The following FRMD6 variants were observed in gnomAD, a reference collection of about 807,000 sequenced individuals.
The protein encoded by FRMD6 is FERM domain-containing protein 6.
FRMD6 carries 37 observed loss-of-function variants against 73.2 expected under a neutral mutation model. The ratio of observed to expected loss-of-function variants is 0.51; its 90% CI spans 0.39 to 0.66. FRMD6 has a LOEUF of 0.66. Among genes scored for constraint, FRMD6 ranks in the 30% least tolerant of loss-of-function variants. The pLI is 0.00. For synonymous variants in FRMD6, 273 were observed against 282.2 expected, an observed-to-expected ratio of 0.97 and a Z score of 0.33; for missense variants, 714 against 780.5, an observed-to-expected ratio of 0.91 and a Z score of 1.02.
At chr14:51,573,065 T>G (rs1888216923) in intron 2 of FRMD6, among the ~76,000 whole-genome samples, 1 of 152,224 alleles carries the variant, frequency 6.6e-6, no homozygotes, top group African/African-American at 2.4e-5. Context: ...AGACATTGGT[T>G]CTTCAGACAC....
intron 1 of FRMD6, among the ~76,000 whole-genome samples, chr14:51,532,095 G>A (rs938847468): frequency 5.9e-5 from 9 of 152,316 alleles, no homozygotes; most frequent in East Asian, 3.9e-4. Context: ...GGGGCCAGGC[G>A]TGGTGGCTCA....
the FRMD6 span, among the ~76,000 whole-genome samples, chr14:51,417,117 C>T: frequency 4.5e-4 from 69 of 152,118 alleles, no homozygotes; most frequent in Admixed American, 4.4e-3. Flanking sequence ...ATTTGCCAGT[C>T]TGTGTCTTTT....
At chr14:51,397,530 AAAC>A in the FRMD6 span, among the ~76,000 whole-genome samples, 1 of 152,218 alleles carries the variant, frequency 6.6e-6, no homozygotes, top group South Asian at 2.1e-4. Context: ...TGGGAGAGAA[AAAC>A]AACTTTTACC....
chr14:51,715,566 G>A, intron 10 of FRMD6, 67 bp downstream of exon 10: 1 of 1,360,040 alleles, frequency 7.4e-7, no homozygotes, highest in Non-Finnish European at 9.9e-7. Flanking sequence ...TACTCTGAAT[G>A]GGGGTTTTGA....
At chr14:51,427,067 G>A in the FRMD6 span, among the ~76,000 whole-genome samples, 2 of 152,270 alleles carry the variant, frequency 1.3e-5, no homozygotes, top group African/African-American at 4.8e-5. Context: ...TATTGAAATG[G>A]TAAAGTTAAA....
intron 1 of FRMD6, among the ~76,000 whole-genome samples, chr14:51,653,469 A>G (rs1435633267): frequency 6.6e-6 from 1 of 152,196 alleles, no homozygotes; most frequent in African/African-American, 2.4e-5. Context: ...ATCTGTCATT[A>G]AAAAGGCTTG....
the FRMD6 span, among the ~76,000 whole-genome samples, chr14:51,418,131 C>G: frequency 6.6e-6 from 1 of 152,082 alleles, no homozygotes; most frequent in Non-Finnish European, 1.5e-5. Context: ...TTGTTATTAC[C>G]AGCCTTCTGA....
chr14:51,426,141 G>A, the FRMD6 span, among the ~76,000 whole-genome samples: 1 of 151,978 alleles, frequency 6.6e-6, no homozygotes, highest in Admixed American at 6.6e-5. Context: ...TCCCCCTGTT[G>A]TCTCTGTCAC....
chr14:51,533,253 C>T (rs1885692509), intron 1 of FRMD6, among the ~76,000 whole-genome samples: 1 of 152,090 alleles, frequency 6.6e-6, no homozygotes, highest in Non-Finnish European at 1.5e-5. Context: ...TGGGGTGGGG[C>T]AGGCTGATGG....
chr14:51,417,194 T>C, the FRMD6 span, among the ~76,000 whole-genome samples: 1 of 152,200 alleles, frequency 6.6e-6, no homozygotes, highest in Admixed American at 6.5e-5. Context: ...ATCCTGTCAT[T>C]ATGATGTTAG....
At chr14:51,469,684 T>C in the FRMD6 span, among the ~76,000 whole-genome samples, 5 of 152,078 alleles carry the variant, frequency 3.3e-5, no homozygotes, top group South Asian at 1.0e-3. Flanking sequence ...TGGATTTAAT[T>C]TGCCAACATT....
At chr14:51,408,258 C>A in the FRMD6 span, among the ~76,000 whole-genome samples, 1 of 151,680 alleles carries the variant, frequency 6.6e-6, no homozygotes, top group Non-Finnish European at 1.5e-5. Flanking sequence ...CTCCTAAGCT[C>A]GGGTGATCCT....
the FRMD6 span, among the ~76,000 whole-genome samples, chr14:51,424,965 G>C: frequency 6.6e-6 from 1 of 152,180 alleles, no homozygotes; most frequent in Non-Finnish European, 1.5e-5. Flanking sequence ...TGAACACATG[G>C]TGCATTTTGA....
intron 2 of FRMD6, among the ~76,000 whole-genome samples, chr14:51,606,475 A>C (rs1026131876): frequency 6.6e-6 from 1 of 152,120 alleles, no homozygotes; most frequent in African/African-American, 2.4e-5. Context: ...TCTAGTCCCC[A>C]GCCCTCTCCC....
chr14:51,604,809 C>G (rs2139826716), intron 2 of FRMD6, among the ~76,000 whole-genome samples: 1 of 152,280 alleles, frequency 6.6e-6, no homozygotes, highest in East Asian at 1.9e-4. Flanking sequence ...CTTCCAGGCC[C>G]TCTCCACGCC....
chr14:51,525,574 C>G lies in FRMD6; in HGVS notation c.-210+36154C>G, dbSNP rs576888121. Among the ~76,000 whole-genome samples the G allele has an allele frequency of 3.3e-5, 5 of 152,278 alleles. No homozygotes were observed. The South Asian group carries it at 8.3e-4, about 25-fold the overall frequency. On this transcript the variant is annotated intron_variant, in intron 1 of 14. Transcript: ENST00000356218. ...CTGGGATTACAGGTGTGAGCCACTA[C>G]ACCCAGCATTTTTAAAGACCCTTCT...
At chr14:51,574,242 T>C (rs1888291176) in intron 2 of FRMD6, among the ~76,000 whole-genome samples, 1 of 152,292 alleles carries the variant, frequency 6.6e-6, no homozygotes, top group Admixed American at 6.5e-5. Context: ...TCCCTCTCAT[T>C]GCTCAACCTT....
intron 1 of FRMD6, among the ~76,000 whole-genome samples, chr14:51,521,428 C>T (rs1266187421): frequency 6.6e-6 from 1 of 152,028 alleles, no homozygotes; most frequent in Non-Finnish European, 1.5e-5. Flanking sequence ...GGAGGTTTAT[C>T]CATATATTCT....
chr14:51,484,636 C>T (rs886331586), upstream of FRMD6, among the ~76,000 whole-genome samples: 2 of 152,226 alleles, frequency 1.3e-5, no homozygotes, highest in Admixed American at 6.5e-5. Flanking sequence ...GTCCCTCCCT[C>T]ACTTCCATCT....
Sources: gnomAD v4.1 joint callset for allele counts (sites outside exome capture counted in the v4.1 genomes callset) on GRCh38, gnomAD v4.1.1 for gene constraint, MANE v1.5 for transcripts, NCBI Gene and HGNC (gene_info 2026-07-23, HGNC 2026-07-21) for gene names.